Variants in ZNF664 observed in about 807,000 individuals in gnomAD.
ZNF664 encodes the protein zinc finger Organ of Corti 1.
Under a neutral mutation model 18.2 loss-of-function variants are expected in ZNF664, and 10 were observed. The ratio of observed to expected loss-of-function variants is 0.55; its 90% confidence interval spans 0.34 to 0.93. ZNF664 has a LOEUF of 0.93. Among genes scored for constraint, ZNF664 ranks in the 40% least tolerant of loss-of-function variants. The pLI is 0.02. For synonymous variants in ZNF664, 119 were observed against 104.2 expected, an observed-to-expected ratio of 1.14 and a Z score of -0.86; for missense variants, 193 against 319.0, an observed-to-expected ratio of 0.61 and a Z score of 3.01.
intron 3 of ZNF664, among the ~76,000 whole-genome samples, chr12:124,008,147 G>C (rs1174675205): frequency 6.6e-6 from 1 of 150,924 alleles, no homozygotes; most frequent in African/African-American, 2.4e-5. Flanking sequence ...TTTTTCCCTC[G>C]TGTCCTTATT....
rs1311146925 is a variant in ZNF664 at position 123,973,297 on chromosome 12, G to A, written c.-947G>A. 1.0e-6 allele frequency: 1 copy of A among 984,130 alleles called. No individual in the cohort carries two copies. Among genetic ancestry groups the A allele is most frequent in the Admixed American group, 6.2e-5 (1 of 16,146 alleles). The allele number at this position is 984,130 out of a possible 1,614,324, so 61.0% of individuals were successfully genotyped here. ...CGCACCTGTGAGGTGTCCCTGAGGA[G>A]AGGGAGGTGGGTGCGCGGCGCCCGC... On this transcript the variant is annotated 5_prime_UTR_variant, in exon 1 of 5. Transcript: ENST00000337815.
intron 1 of ZNF664, 91 bp from the exon 2 acceptor site, chr12:123,973,795 C>T: frequency 1.7e-6 from 2 of 1,202,932 alleles, no homozygotes; most frequent in Non-Finnish European, 2.1e-6. Context: ...CCAGGCGGGT[C>T]CCGGGAGAGG....
chr12:123,991,783 G>A (rs1956891839), intron 3 of ZNF664, among the ~76,000 whole-genome samples: 1 of 152,190 alleles, frequency 6.6e-6, no homozygotes, highest in African/African-American at 2.4e-5. Context: ...CAGAATGGAT[G>A]CCTGTGTCAT....
chr12:123,997,451 C>T (rs1341224005), intron 3 of ZNF664, among the ~76,000 whole-genome samples: 1 of 152,170 alleles, frequency 6.6e-6, no homozygotes, highest in Non-Finnish European at 1.5e-5. Context: ...CCTTTGAAGG[C>T]TTTACAGGAG....
intron 3 of ZNF664, among the ~76,000 whole-genome samples, chr12:123,990,797 GAGTGCAGGAAAGTGGGTTTTCTTA>G (rs527442519): frequency 8.7e-4 from 132 of 152,348 alleles, no homozygotes; most frequent in African/African-American, 2.9e-3. Context: ...GGAAGAGGCA[GAGTGCAGGAAAGTGGGTTTTCTTA>G]TGTTCTGTTG....
intron 3 of ZNF664, among the ~76,000 whole-genome samples, chr12:124,010,408 A>G (rs1277620723): frequency 2.0e-5 from 3 of 152,210 alleles, no homozygotes; most frequent in African/African-American, 7.2e-5. Context: ...GCTAAAACAT[A>G]GTCCTAAACC....
intron 3 of ZNF664, among the ~76,000 whole-genome samples, chr12:124,000,407 C>T (rs975725033): frequency 2.6e-5 from 4 of 152,214 alleles, no homozygotes; most frequent in Admixed American, 2.6e-4. Flanking sequence ...CTCCAGAGCT[C>T]ATTCCTCTCG....
rs1253185038 is a variant in ZNF664 at position 124,013,804 on chromosome 12, T to A, written c.*874T>A. On this transcript the variant is annotated 3_prime_UTR_variant, in exon 5 of 5. Coordinates refer to ENST00000337815, the MANE Select transcript of ZNF664 (RefSeq NM_152437.3). ...GAGCTCCTTCCTAGCTAGGGAGACC[T>A]TATGAGAAGTGGATGGTAGGAGGAG... is the stretch of plus-strand genomic sequence containing the variant. 1 of 167,110 alleles carries A rather than the reference T, an allele frequency of 6.0e-6. No homozygotes were observed. The highest frequency in any genetic ancestry group is 1.5e-5 in the Non-Finnish European group (1 of 68,124). The allele number at this position is 167,110 out of a possible 1,614,324, so 10.4% of individuals were successfully genotyped here.
chr12:124,009,198 G>A (rs1165826493), intron 3 of ZNF664, among the ~76,000 whole-genome samples: 4 of 152,142 alleles, frequency 2.6e-5, no homozygotes, highest in African/African-American at 7.2e-5. Context: ...CAGTTAAATT[G>A]TTGAAAGAAG....
intron 2 of ZNF664, among the ~76,000 whole-genome samples, chr12:123,978,181 C>T (rs1281622547): frequency 6.6e-6 from 1 of 151,504 alleles, no homozygotes; most frequent in Non-Finnish European, 1.5e-5. Context: ...AAAAAAAACC[C>T]GAATCATAAA....
At chr12:124,003,739 C>T (rs568438513) in intron 3 of ZNF664, among the ~76,000 whole-genome samples, 1 of 152,240 alleles carries the variant, frequency 6.6e-6, no homozygotes, top group East Asian at 1.9e-4. Context: ...GGCAGGTTAT[C>T]AGCCACGAGT....
intron 2 of ZNF664, among the ~76,000 whole-genome samples, chr12:123,984,012 C>G (rs747088080): frequency 1.9e-4 from 29 of 152,152 alleles, no homozygotes; most frequent in Admixed American, 5.9e-4. Context: ...GTGTGAAGAG[C>G]CGAGGTTTCT....
chr12:123,991,591 A>G (rs959673039), intron 3 of ZNF664, among the ~76,000 whole-genome samples: 2 of 152,252 alleles, frequency 1.3e-5, no homozygotes, highest in Admixed American at 1.3e-4. Context: ...GCACTCTGAT[A>G]GGTACTTTCA....
intron 2 of ZNF664, among the ~76,000 whole-genome samples, chr12:123,987,629 C>T (rs4765561): frequency 6.6e-6 from 1 of 152,212 alleles, no homozygotes; most frequent in Non-Finnish European, 1.5e-5. Context: ...CCAGTTTGTG[C>T]TTCTTCAGTA....
chr12:123,981,442 A>G (rs933931757), intron 2 of ZNF664, among the ~76,000 whole-genome samples: 5 of 152,112 alleles, frequency 3.3e-5, no homozygotes, highest in Non-Finnish European at 5.9e-5. Context: ...ATAAAAAGAA[A>G]AGAGATCTGA....
At position 124,013,237 on chromosome 12, in the gene ZNF664, C is replaced by T. The variant is rs557197631; in HGVS notation, c.*307C>T. ...TACACAAAAAGCCACAATCATTGCC[C>T]GGCCTCCTGAGTCACCTTCTATCTA... is the stretch of plus-strand genomic sequence containing the variant. On this transcript the variant is annotated 3_prime_UTR_variant, in exon 5 of 5. Transcript: ENST00000337815. 47 of 383,046 alleles carry T rather than the reference C, an allele frequency of 1.2e-4. No homozygotes were observed. Among genetic ancestry groups the T allele is most frequent in the East Asian group, 2.5e-4 (4 of 15,976 alleles). 23.7% of individuals were successfully genotyped at this position (383,046 alleles called of 1,614,324 possible).
chr12:123,999,160 G>A (rs981634400), intron 3 of ZNF664, among the ~76,000 whole-genome samples: 1 of 152,170 alleles, frequency 6.6e-6, no homozygotes, highest in African/African-American at 2.4e-5. Context: ...CTGTATGCAT[G>A]TGGGGAGATG....
In ZNF664 at chr12:124,014,184, T is replaced by TGGGGGGGGG. The variant is rs973541402; in HGVS notation, c.*1259_*1260insGGGGGGGGG. 1 of 32,354 alleles carries TGGGGGGGGG rather than the reference T, an allele frequency of 3.1e-5. No individual in the cohort carries two copies. The highest frequency in any genetic ancestry group is 9.9e-5 in the Non-Finnish European group (1 of 10,136). The allele number at this position is 32,354 out of a possible 1,614,324, so 2.0% of individuals were successfully genotyped here. ...TGATGATTTTAGTGGTGGGGTGGGG[T>TGGGGGGGGG]GGGGGTGGGGTGACATTAGCTAGTG... On this transcript the variant is annotated 3_prime_UTR_variant, in exon 5 of 5. Transcript: ENST00000337815.
At chr12:123,983,347 G>A (rs1163858645) in intron 2 of ZNF664, among the ~76,000 whole-genome samples, 3 of 152,138 alleles carry the variant, frequency 2.0e-5, no homozygotes, top group East Asian at 1.9e-4. Context: ...GCTTTTTAAC[G>A]CTAAAACATT....
Sources: allele counts gnomAD v4.1 joint callset (sites outside exome capture counted in the v4.1 genomes callset), GRCh38; gene constraint gnomAD v4.1.1; transcripts MANE v1.5; gene names NCBI Gene and HGNC (gene_info 2026-07-23, HGNC 2026-07-21).